PKD1L1: variants seen among roughly 807,000 people sequenced by gnomAD.
PKD1L1 encodes the protein polycystin 1 like 1, transient receptor potential channel interacting.
In PKD1L1, 236 loss-of-function variants were observed where a neutral mutation model predicts 323.4. That is an observed-to-expected ratio of 0.73 (90% CI 0.66 to 0.81). The LOEUF (loss-of-function observed/expected upper bound fraction) is 0.81. PKD1L1 is among the 40% of genes least tolerant of loss of function. PKD1L1 has a pLI of 0.00. For missense variants in PKD1L1, 3,320 were observed against 3,508.0 expected, an observed-to-expected ratio of 0.95 and a Z score of 1.35; for synonymous variants, 1,344 against 1,335.0, an observed-to-expected ratio of 1.01 and a Z score of -0.15.
rs1432543278 is a variant in PKD1L1, at chr7:47,800,708, C to T, written c.8134G>A (p.Ala2712Thr). The T allele has an allele frequency of 1.2e-6, 2 of 1,614,192 alleles. No individual in the cohort carries two copies. The highest frequency in any genetic ancestry group is 4.5e-5 in the East Asian group (2 of 44,878). Residue 2712 changes from alanine to threonine, a missense_variant, in exon 54 of 57, where the codon GCC becomes ACC. By Grantham distance (58) the Ala-to-Thr change is moderately conservative. Transcript: ENST00000289672. Reference sequence around the variant, plus strand: ...AGGATCCCAAAGTAACAAGCCATGGCCCGCTGGTCAGACTTGGAAAGGCCA... The same window carrying T: ...AGGATCCCAAAGTAACAAGCCATGGTCCGCTGGTCAGACTTGGAAAGGCCA... ...LLGLSKSDQRAMACYFGILLI... is the reference protein window; with the variant it reads ...LLGLSKSDQRTMACYFGILLI...
chr7:47,855,047 C>G lies in PKD1L1; in HGVS notation c.4702-8G>C. 6.2e-7 allele frequency: 1 copy of G among 1,609,298 alleles called. No individual in the cohort carries two copies. The highest frequency in any genetic ancestry group is 8.5e-7 in the Non-Finnish European group (1 of 1,177,762). Reference sequence around the variant, plus strand: ...TTTATTTCTCCTATTATCCTGTCATCACAAAGAAAACAAGTTAAGCAAAAT... The same window carrying G: ...TTTATTTCTCCTATTATCCTGTCATGACAAAGAAAACAAGTTAAGCAAAAT... On this transcript the variant is annotated splice_region_variant and splice_polypyrimidine_tract_variant and intron_variant, in intron 29 of 56. Transcript: ENST00000289672.
chr7:47,893,765 A>C (rs1786873713), intron 15 of PKD1L1, 113 bp downstream of exon 15: 1 of 1,132,854 alleles, frequency 8.8e-7, no homozygotes, highest in Non-Finnish European at 1.2e-6. Context: ...ACTTAACGAA[A>C]GTTGATGTGC....
chr7:47,886,259 A>G (rs989451963), intron 17 of PKD1L1, among the ~76,000 whole-genome samples: 1 of 152,122 alleles, frequency 6.6e-6, no homozygotes, highest in African/African-American at 2.4e-5. Context: ...AAGCACATGT[A>G]TGGAAGTAGA....
Position 47,929,387 on chromosome 7 carries a change from C to G in PKD1L1, c.877G>C (p.Val293Leu), listed in dbSNP as rs1186254310. The G allele has an allele frequency of 6.2e-7, 1 of 1,614,198 alleles. No homozygotes were observed. The highest frequency in any genetic ancestry group is 8.5e-7 in the Non-Finnish European group (1 of 1,180,040). The change falls in exon 7 of 57, where the codon GTT becomes CTT. Residue 293 changes from valine to leucine, a missense_variant. Val to Leu is a conservative substitution (Grantham distance 32). Transcript: ENST00000289672. ...ARNSDNFMNP[V>L]LNCSLEVEAR... ...TCCACTTCCAGGGAGCAATTAAGAA[C>G]AGGGTTCATGAAGTTATCAGAATTT... is the stretch of plus-strand genomic sequence containing the variant.
At chr7:47,820,753 A>G (rs1785122993) in intron 46 of PKD1L1, among the ~76,000 whole-genome samples, 1 of 152,082 alleles carries the variant, frequency 6.6e-6, no homozygotes, top group African/African-American at 2.4e-5. Context: ...ACTGTTAGAA[A>G]TTGAGTGTCA....
In PKD1L1 at chr7:47,885,868, G is replaced by T. The variant is rs151109476; in HGVS notation, c.3023C>A (p.Thr1008Asn). 1 of 1,614,210 alleles carries T rather than the reference G, an allele frequency of 6.2e-7. No homozygotes were observed. Among genetic ancestry groups the T allele is most frequent in the African/African-American group, 1.3e-5 (1 of 75,062 alleles). The change falls in exon 18 of 57, where the codon ACC becomes AAC. Residue 1008 changes from threonine (T) to asparagine (N), a missense_variant. Transcript: ENST00000289672. ...GACTCCAGTCATGGGCTCTGTGGGG[G>T]TTCCCCTTGGAGCTGAAGTGGCAGG... The part of the protein sequence containing the change: ...GQPATSAPRG[T>N]PTEPMTGVYW...
Position 47,774,851 on chromosome 7 carries a change from A to T in PKD1L1, c.*292T>A, listed in dbSNP as rs1363086287. 3.1e-6 allele frequency: 1 copy of T among 326,254 alleles called. No individual in the cohort carries two copies. Among genetic ancestry groups the T allele is most frequent in the Non-Finnish European group, 5.6e-6 (1 of 179,268 alleles). The allele number at this position is 326,254 out of a possible 1,614,324, so 20.2% of individuals were successfully genotyped here. On this transcript the variant is annotated 3_prime_UTR_variant, in exon 57 of 57. Coordinates refer to ENST00000289672, the MANE Select transcript of PKD1L1 (RefSeq NM_138295.5). ...CAGTAAAACAAACAAATAAGACAAT[A>T]TGTAACTCTAGGGCAACTGGCAAAT...
intron 44 of PKD1L1, among the ~76,000 whole-genome samples, chr7:47,828,466 G>A (rs1303148940): frequency 6.6e-6 from 1 of 152,084 alleles, no homozygotes; most frequent in Non-Finnish European, 1.5e-5. Flanking sequence ...AGGTGCTGCA[G>A]GGCGGGGGGT....
Position 47,821,139 on chromosome 7 carries a change from A to G in PKD1L1, c.6902T>C (p.Ile2301Thr), listed in dbSNP as rs775653000. 1 of 1,611,012 alleles carries G rather than the reference A, an allele frequency of 6.2e-7. No homozygotes were observed. Among genetic ancestry groups the G allele is most frequent in the South Asian group, 1.1e-5 (1 of 91,010 alleles). ...TTCATCTTGGGAAAATCTCCCATAT[A>G]TTACACACAAAAGCAGAAGCAGCAT... ...ILMLLLLLCVIYGRFSQDEYS... is the reference protein window; with the variant it reads ...ILMLLLLLCVTYGRFSQDEYS... The change falls in exon 46 of 57, where the codon ATA becomes ACA. Residue 2301 changes from isoleucine (I) to threonine (T), a missense_variant. Physicochemically the swap from Ile to Thr is moderately conservative, Grantham distance 89. Coordinates refer to ENST00000289672, the MANE Select transcript of PKD1L1 (RefSeq NM_138295.5).
rs142077728 is a variant in PKD1L1 at position 47,857,781 on chromosome 7, G to C, written c.4414C>G (p.Leu1472Val). ...VSTGQMEFRT[L>V]LHYNLQSSVQ... ...GAGCTCTGAAGGTTGTAATGAAGAA[G>C]GGTCCGGAACTCCATCTGCCCAGTG... The change falls in exon 28 of 57, where the codon CTT (leucine) becomes GTT (valine). Residue 1472 changes from leucine (L) to valine (V), a missense_variant. Physicochemically the swap from Leu to Val is conservative, Grantham distance 32. Coordinates refer to ENST00000289672, the MANE Select transcript of PKD1L1 (RefSeq NM_138295.5). The C allele has an allele frequency of 8.9e-5, 144 of 1,614,180 alleles. No individual in the cohort carries two copies. The African/African-American group carries it at 1.7e-3, about 19-fold the overall frequency.
intron 56 of PKD1L1, among the ~76,000 whole-genome samples, chr7:47,776,242 T>C (rs1028695712): frequency 6.6e-6 from 1 of 152,184 alleles, no homozygotes; most frequent in Non-Finnish European, 1.5e-5. Context: ...ATCAAACATT[T>C]AAGAAAGAAA....
rs766721854 is a variant in PKD1L1 at position 47,905,112 on chromosome 7, C to T, written c.1691+45G>A. On this transcript the variant is annotated intron_variant, in intron 11 of 56. Transcript: ENST00000289672. Reference sequence around the variant, plus strand: ...TGGTGATCTTCAGACTGAGTATAGGCTGCAGTACAAACAGCTACTCAGCAG... The same window carrying T: ...TGGTGATCTTCAGACTGAGTATAGGTTGCAGTACAAACAGCTACTCAGCAG... 9.5e-6 allele frequency: 15 copies of T among 1,586,972 alleles called. No individual in the cohort carries two copies. The South Asian group carries it at 1.5e-4, about 16-fold the overall frequency.
At chr7:47,897,760 TG>T (rs944516674) in intron 14 of PKD1L1, among the ~76,000 whole-genome samples, 1 of 152,228 alleles carries the variant, frequency 6.6e-6, no homozygotes, top group African/African-American at 2.4e-5. Flanking sequence ...TTATACACAT[TG>T]GAAGGAGCTT....
At position 47,812,201 on chromosome 7, in the gene PKD1L1, A is replaced by G. The variant is rs924930544; in HGVS notation, c.7347-150T>C. ...GCCTGGGCTTCAAGGGGCAGGACAG[A>G]TGGCCCTCTGTATCTAAGAGACCTC... On this transcript the variant is annotated intron_variant, in intron 49 of 56. Coordinates refer to ENST00000289672, the MANE Select transcript of PKD1L1 (RefSeq NM_138295.5). The G allele has an allele frequency of 7.8e-6, 5 of 641,630 alleles. No homozygotes were observed. The East Asian group carries it at 1.4e-4, about 18-fold the overall frequency. The allele number at this position is 641,630 out of a possible 1,614,324, so 39.7% of individuals were successfully genotyped here.
At chr7:47,837,603 C>T (rs1295285812) in intron 36 of PKD1L1, among the ~76,000 whole-genome samples, 1 of 152,058 alleles carries the variant, frequency 6.6e-6, no homozygotes, top group East Asian at 1.9e-4. Flanking sequence ...TTTCAAAAAC[C>T]CCTCCACTCT....
intron 33 of PKD1L1, among the ~76,000 whole-genome samples, chr7:47,843,872 C>T (rs1394209996): frequency 6.6e-6 from 1 of 152,226 alleles, no homozygotes; most frequent in Non-Finnish European, 1.5e-5. Flanking sequence ...GCCCCATCCC[C>T]TAGCATTCTG....
At position 47,931,996 on chromosome 7, in the gene PKD1L1, G is replaced by A; in HGVS notation, c.459C>T (p.Phe153=). ...ARAWSSGGPR[F]HHRRLCATGT... is the part of the protein sequence containing the mutation. ...CAGTAGCACACAGCCGCCTGTGATG[G>A]AACCTGGGGCCACCACTGCTCCAGG... Residue 153 remains phenylalanine, a synonymous_variant, in exon 5 of 57, where the codon TTC becomes TTT. Transcript: ENST00000289672. 1 of 1,614,078 alleles carries A rather than the reference G, an allele frequency of 6.2e-7. No homozygotes were observed. Among genetic ancestry groups the A allele is most frequent in the Non-Finnish European group, 8.5e-7 (1 of 1,179,964 alleles).
At chr7:47,915,399 C>T (rs774401768) in intron 8 of PKD1L1, 33 bp downstream of exon 8, 1 of 793,934 alleles carries the variant, frequency 1.3e-6, no homozygotes, top group South Asian at 1.3e-5. Context: ...TCAGCCCACT[C>T]CTTGTGGCCT....
chr7:47,867,737 G>A (rs1033098304), intron 24 of PKD1L1, among the ~76,000 whole-genome samples: 7 of 152,124 alleles, frequency 4.6e-5, no homozygotes, highest in African/African-American at 1.7e-4. Flanking sequence ...TAGTCAAATA[G>A]AGACTATCAA....
Sources: allele counts gnomAD v4.1 joint callset (sites outside exome capture counted in the v4.1 genomes callset), GRCh38; gene constraint gnomAD v4.1.1; transcripts MANE v1.5; gene names NCBI Gene and HGNC (gene_info 2026-07-23, HGNC 2026-07-21).